DNAAF9: variants seen among roughly 807,000 people sequenced by gnomAD.
DNAAF9 encodes shulin.
DNAAF9 carries 90 observed loss-of-function variants against 167.0 expected under a neutral mutation model. The observed-to-expected ratio is 0.54, with a 90% confidence interval of 0.45 to 0.64. The LOEUF (loss-of-function observed/expected upper bound fraction) is 0.64, where lower values mean the gene tolerates loss of function less well. Among genes scored for constraint, DNAAF9 ranks in the 30% least tolerant of loss-of-function variants. The pLI is 0.00. For synonymous variants in DNAAF9, 491 were observed against 508.8 expected (o/e 0.96, Z 0.47); for missense variants, 1,315 against 1,442.2 (o/e 0.91, Z 1.43).
chr20:3,271,430 T>C (rs952233603), intron 29 of DNAAF9, among the ~76,000 whole-genome samples: 7 of 152,104 alleles, frequency 4.6e-5, no homozygotes, highest in African/African-American at 1.7e-4. Flanking sequence ...CCCAACCTTT[T>C]GGTGAAAATA....
intron 31 of DNAAF9, 78 bp downstream of exon 31, chr20:3,264,360 T>C (rs6515783): frequency 0.2 from 147,288 of 737,976 alleles, 12,833 homozygotes; most frequent in African/African-American, 0.36. Context: ...TCACCTTCTC[T>C]CTTTTTTTTT....
chr20:3,277,859 AT>A (rs2068699045), intron 29 of DNAAF9, among the ~76,000 whole-genome samples: 1 of 152,150 alleles, frequency 6.6e-6, no homozygotes, highest in African/African-American at 2.4e-5. Flanking sequence ...CCTGGGCAGC[AT>A]GAGCTCAGCT....
At chr20:3,288,215 C>T (rs1233410620) in intron 26 of DNAAF9, among the ~76,000 whole-genome samples, 6 of 152,082 alleles carry the variant, frequency 3.9e-5, no homozygotes, top group Non-Finnish European at 7.4e-5. Flanking sequence ...TTTGGGAGGC[C>T]GAGGCGGGCG....
intron 5 of DNAAF9, 57 bp downstream of exon 5, chr20:3,374,973 G>A (rs1353947460): frequency 5.5e-6 from 5 of 910,274 alleles, no homozygotes; most frequent in South Asian, 1.4e-5. Context: ...AAGTAGTGAC[G>A]TTCAATTCAC....
chr20:3,255,398 G>A (rs548945620), intron 34 of DNAAF9, 114 bp from the exon 35 acceptor site: 17 of 675,730 alleles, frequency 2.5e-5, no homozygotes, highest in Admixed American at 2.0e-4. Flanking sequence ...GGGAAAGCAC[G>A]TGCGCTATGG....
In DNAAF9 at chr20:3,375,140, T is replaced by C. The variant is rs777246028; in HGVS notation, c.409-14A>G. The C allele has an allele frequency of 2.7e-6, 4 of 1,490,668 alleles. No individual in the cohort carries two copies. In the African/African-American group the frequency reaches 4.1e-5, roughly 15 times the overall value. 92.3% of individuals were successfully genotyped at this position (1,490,668 alleles called of 1,614,324 possible). On this transcript the variant is annotated splice_polypyrimidine_tract_variant and intron_variant, in intron 4 of 36. Coordinates refer to ENST00000252032, the MANE Select transcript of DNAAF9 (RefSeq NM_001009984.3). ...TTCATCTTCATACTGAAGAGACAAA[T>C]CAAAAGAAAAATAAGCTCTGATGAG...
chr20:3,260,507 C>T (rs1352020772), intron 31 of DNAAF9, among the ~76,000 whole-genome samples: 1 of 152,186 alleles, frequency 6.6e-6, no homozygotes, highest in Non-Finnish European at 1.5e-5. Flanking sequence ...TTTTACCTAA[C>T]CTTAGACTAG....
At chr20:3,373,978 C>G (rs2083543433) in intron 6 of DNAAF9, 70 bp downstream of exon 6, 2 of 932,546 alleles carry the variant, frequency 2.1e-6, no homozygotes, top group Non-Finnish European at 3.5e-6. Context: ...ATAATGCACA[C>G]TCACATGGGT....
chr20:3,318,077 C>A (rs182032938), intron 17 of DNAAF9, among the ~76,000 whole-genome samples: 1 of 150,324 alleles, frequency 6.7e-6, no homozygotes, highest in African/African-American at 2.4e-5. Flanking sequence ...TTAGGTTATA[C>A]ACCCTTTGTT....
At chr20:3,341,281 C>A (rs562726987) in intron 9 of DNAAF9, among the ~76,000 whole-genome samples, 1 of 152,212 alleles carries the variant, frequency 6.6e-6, no homozygotes, top group Non-Finnish European at 1.5e-5. Context: ...TACAGCAAAT[C>A]CAACAGATAG....
intron 7 of DNAAF9, among the ~76,000 whole-genome samples, chr20:3,351,138 G>T (rs535557967): frequency 6.6e-6 from 1 of 152,262 alleles, no homozygotes; most frequent in African/African-American, 2.4e-5. Flanking sequence ...AATTACCAAT[G>T]ATCAGGATAA....
chr20:3,276,587 G>T (rs1400798281), intron 29 of DNAAF9, among the ~76,000 whole-genome samples: 2 of 152,208 alleles, frequency 1.3e-5, no homozygotes, highest in South Asian at 2.1e-4. Context: ...GCCCAGGGCT[G>T]CCCCTGATTC....
chr20:3,301,957 T>A (rs1411850923), intron 21 of DNAAF9, among the ~76,000 whole-genome samples: 1 of 152,014 alleles, frequency 6.6e-6, no homozygotes, highest in African/African-American at 2.4e-5. Flanking sequence ...TATGTATATA[T>A]ATTTTGAGAC....
intron 31 of DNAAF9, among the ~76,000 whole-genome samples, chr20:3,262,057 C>T (rs963165419): frequency 1.3e-5 from 2 of 152,076 alleles, no homozygotes; most frequent in East Asian, 3.9e-4. Flanking sequence ...GAGGTGGTGG[C>T]TCTGACCCAC....
intron 20 of DNAAF9, among the ~76,000 whole-genome samples, chr20:3,314,146 G>C (rs2069461504): frequency 6.6e-6 from 1 of 152,172 alleles, no homozygotes; most frequent in Admixed American, 6.5e-5. Context: ...AGGAGCTGTA[G>C]ACAGATTACA....
At chr20:3,328,580 C>T (rs1222934449) in intron 12 of DNAAF9, among the ~76,000 whole-genome samples, 1 of 152,144 alleles carries the variant, frequency 6.6e-6, no homozygotes, top group Non-Finnish European at 1.5e-5. Context: ...CAATACCAGT[C>T]CCTGACATGG....
chr20:3,351,101 C>T (rs533325430), intron 7 of DNAAF9, among the ~76,000 whole-genome samples: 7 of 152,054 alleles, frequency 4.6e-5, no homozygotes, highest in African/African-American at 1.7e-4. Flanking sequence ...AAAAATCAAC[C>T]CTGAAACTGA....
chr20:3,267,112 A>C (rs1024343490), intron 30 of DNAAF9, among the ~76,000 whole-genome samples: 2 of 152,198 alleles, frequency 1.3e-5, no homozygotes, highest in African/African-American at 4.8e-5. Context: ...TCGGCCTCCC[A>C]AAGTGCTGGG....
intron 5 of DNAAF9, among the ~76,000 whole-genome samples, chr20:3,374,682 A>G (rs551267893): frequency 2.0e-5 from 3 of 152,340 alleles, no homozygotes; most frequent in South Asian, 2.1e-4. Context: ...ACATGTCAGC[A>G]TATCTTTTTA....
Sources: gnomAD v4.1 joint callset for allele counts (sites outside exome capture counted in the v4.1 genomes callset) on GRCh38, gnomAD v4.1.1 for gene constraint, MANE v1.5 for transcripts, NCBI Gene and HGNC (gene_info 2026-07-23, HGNC 2026-07-21) for gene names.